ORMDL1: variants seen among roughly 807,000 people sequenced by gnomAD.
ORMDL1 encodes the protein ORMDL sphingolipid biosynthesis regulator 1.
ORMDL1 carries 10 observed loss-of-function variants against 13.0 expected under a neutral mutation model. The ratio of observed to expected loss-of-function variants is 0.77; its 90% CI spans 0.47 to 1.30. ORMDL1 has a LOEUF of 1.30. Among genes scored for constraint, ORMDL1 ranks in the 50% most tolerant of loss-of-function variants. The probability of loss-of-function intolerance (pLI) is 0.00; values close to 1 mark genes in which losing one functional copy is unlikely to be tolerated. For missense variants in ORMDL1, 171 were observed against 186.7 expected (o/e 0.92, Z 0.49); for synonymous variants, 61 against 63.9 (o/e 0.95, Z 0.22).
chr2:189,770,064 AC>A (rs1447089024), downstream of ORMDL1, among the ~76,000 whole-genome samples: 5 of 152,222 alleles, frequency 3.3e-5, no homozygotes, highest in African/African-American at 1.2e-4. Flanking sequence ...AATTCCTGTT[AC>A]AGAGTGGGCC....
rs1311730867 is a variant in ORMDL1 at position 189,775,633 on chromosome 2, C to T, written c.258G>A (p.Trp86Ter). 2.5e-6 allele frequency: 4 copies of T among 1,613,816 alleles called. No individual in the cohort carries two copies. The highest frequency in any genetic ancestry group is 2.7e-5 in the African/African-American group (2 of 74,908). The change falls in exon 4 of 5, where the codon TGG (tryptophan) becomes TGA (stop). Residue 86 changes from tryptophan to a stop codon, truncating the protein, a stop_gained. Coordinates refer to ENST00000392349, the MANE Select transcript of ORMDL1 (RefSeq NM_016467.5). LOFTEE classifies it high-confidence loss of function. ...ACTGTACTCCATAGTCCAGTTGTTC[C>T]CAATGAGTTAGGAGCCTTGCTTTAC... ...DQGKARLLTH[W>*]EQLDYGVQFT...
At chr2:189,776,665 C>T (rs570643398) in intron 3 of ORMDL1, among the ~76,000 whole-genome samples, 2 of 152,194 alleles carry the variant, frequency 1.3e-5, no homozygotes, top group African/African-American at 4.8e-5. Context: ...TTAACCAAGC[C>T]CTTCCTTTCA....
At chr2:189,782,778 A>C in intron 2 of ORMDL1, 176 bp from the exon 3 acceptor site, 1 of 523,782 alleles carries the variant, frequency 1.9e-6, no homozygotes, top group Non-Finnish European at 3.4e-6. Context: ...GCAGTAAAGA[A>C]TCTTCAGCAT....
chr2:189,781,628 G>C (rs2047835366), intron 3 of ORMDL1, among the ~76,000 whole-genome samples: 1 of 151,186 alleles, frequency 6.6e-6, no homozygotes, highest in South Asian at 2.1e-4. Context: ...AAGTTAACAA[G>C]GATTGAAACT....
chr2:189,776,804 C>T (rs924618160), intron 3 of ORMDL1, among the ~76,000 whole-genome samples: 2 of 151,958 alleles, frequency 1.3e-5, no homozygotes, highest in African/African-American at 4.8e-5. Flanking sequence ...TAATAGGTGG[C>T]TTATATGTAC....
downstream of ORMDL1, among the ~76,000 whole-genome samples, chr2:189,769,504 ATAT>A (rs2106136345): frequency 6.6e-6 from 1 of 152,284 alleles, no homozygotes; most frequent in Non-Finnish European, 1.5e-5. Flanking sequence ...AGTGAAGGAG[ATAT>A]TATTATGCCT....
At chr2:189,778,538 C>A in intron 3 of ORMDL1, 1 of 425,388 alleles carries the variant, frequency 2.4e-6, no homozygotes, top group Non-Finnish European at 4.7e-6. Flanking sequence ...TGTGTAGATT[C>A]CTGGAGGGAC....
rs2047888291 is a variant in ORMDL1 at position 189,782,665 on chromosome 2, G to A, written c.-7-63C>T. On this transcript the variant is annotated intron_variant, in intron 2 of 4. Coordinates refer to ENST00000392349, the MANE Select transcript of ORMDL1 (RefSeq NM_016467.5). The stretch of plus-strand genomic sequence containing the variant: ...CTGGCAACCTAACACCCCCAATTCT[G>A]ACATGACAAGGTACCTGTGTTGCGA... 2.1e-6 allele frequency: 3 copies of A among 1,447,702 alleles called. No homozygotes were observed. In the East Asian group the frequency reaches 6.9e-5, roughly 33 times the overall value. The allele number at this position is 1,447,702 out of a possible 1,614,324, so 89.7% of individuals were successfully genotyped here.
downstream of ORMDL1, among the ~76,000 whole-genome samples, chr2:189,768,039 C>A (rs2047511463): frequency 6.6e-6 from 1 of 152,120 alleles, no homozygotes; most frequent in South Asian, 2.1e-4. Flanking sequence ...AATTTTTAAA[C>A]CCAACATAAC....
intron 4 of ORMDL1, among the ~76,000 whole-genome samples, chr2:189,773,472 A>T (rs1006261239): frequency 6.6e-6 from 1 of 152,218 alleles, no homozygotes; most frequent in East Asian, 1.9e-4. Context: ...CTGTAATCCC[A>T]GCACTTTGGG....
intron 3 of ORMDL1, among the ~76,000 whole-genome samples, chr2:189,781,781 T>C (rs1157830411): frequency 6.6e-6 from 1 of 152,190 alleles, no homozygotes; most frequent in Non-Finnish European, 1.5e-5. Context: ...TCTTATATAC[T>C]AAAAACTACT....
chr2:189,768,276 A>G (rs1302503616), downstream of ORMDL1, among the ~76,000 whole-genome samples: 1 of 152,188 alleles, frequency 6.6e-6, no homozygotes, highest in Non-Finnish European at 1.5e-5. Flanking sequence ...CATTGCTCAC[A>G]TCGACATGTA....
intron 4 of ORMDL1, among the ~76,000 whole-genome samples, chr2:189,774,502 T>C (rs1489336801): frequency 6.6e-6 from 1 of 152,186 alleles, no homozygotes; most frequent in East Asian, 1.9e-4. Flanking sequence ...CATAAGGATT[T>C]CCAACACCTC....
downstream of ORMDL1, among the ~76,000 whole-genome samples, chr2:189,768,863 G>A (rs1363679183): frequency 6.6e-6 from 1 of 152,154 alleles, no homozygotes; most frequent in South Asian, 2.1e-4. Context: ...ATATCATATG[G>A]AAAATGGTGA....
At chr2:189,772,049 G>C (rs1028675045) in intron 4 of ORMDL1, 147 bp from the exon 5 acceptor site, 1 of 645,218 alleles carries the variant, frequency 1.5e-6, no homozygotes, top group Non-Finnish European at 2.4e-6. Flanking sequence ...AAGAGGAATC[G>C]GTTTGGTCCC....
chr2:189,783,219 G>A (rs1168684270), intron 1 of ORMDL1, 96 bp from the exon 2 acceptor site: 2 of 152,174 alleles, frequency 1.3e-5, no homozygotes, highest in African/African-American at 2.4e-5. Context: ...GGAGTCTTCT[G>A]AATATTTCTC....
At chr2:189,773,251 G>C (rs1419100073) in intron 4 of ORMDL1, among the ~76,000 whole-genome samples, 1 of 152,030 alleles carries the variant, frequency 6.6e-6, no homozygotes, top group Non-Finnish European at 1.5e-5. Context: ...CAAAAACTTA[G>C]GCAATCCTCT....
chr2:189,778,370 G>A, intron 3 of ORMDL1: 1 of 453,694 alleles, frequency 2.2e-6, no homozygotes, highest in Non-Finnish European at 4.4e-6. Context: ...ACTCCAGCCT[G>A]GGTGACAGAG....
downstream of ORMDL1, among the ~76,000 whole-genome samples, chr2:189,765,839 ATTTTTTTTTT>A (rs72132150): frequency 1.9e-5 from 2 of 106,750 alleles, no homozygotes; most frequent in Admixed American, 1.2e-4. Flanking sequence ...TACTTTCTCC[ATTTTTTTTTT>A]TTTTTTTTTT....
Sources: allele counts gnomAD v4.1 joint callset (sites outside exome capture counted in the v4.1 genomes callset), GRCh38; gene constraint gnomAD v4.1.1; transcripts MANE v1.5; gene names NCBI Gene and HGNC (gene_info 2026-07-23, HGNC 2026-07-21).